The following CCDC57 variants were observed in gnomAD, a reference collection of about 807,000 sequenced individuals.
CCDC57 encodes coiled-coil domain containing 57, also known as coiled-coil domain-containing protein 57.
CCDC57 carries 118 observed loss-of-function variants against 118.9 expected under a neutral mutation model. The ratio of observed to expected loss-of-function variants is 0.99; its 90% confidence interval spans 0.86 to 1.16. CCDC57 has a LOEUF of 1.16. Among genes scored for constraint, CCDC57 ranks in the 50% most tolerant of loss-of-function variants. The pLI, the probability that CCDC57 is intolerant of heterozygous loss-of-function variation, is 0.00. For missense variants in CCDC57, 1,300 were observed against 1,320.7 expected (o/e 0.98, Z 0.24); for synonymous variants, 527 against 532.9 (o/e 0.99, Z 0.15).
rs550220552 is a variant in CCDC57, at chr17:82,149,259, G to T, written c.2455+2301C>A. 7.0e-3 allele frequency among the ~76,000 whole-genome samples: 522 copies of T among 74,214 alleles called. 1 individual carries two copies. The highest frequency in any genetic ancestry group is 0.021 in the African/African-American group (495 of 23,530). The allele number at this position is 74,214 out of a possible 152,430, so 48.7% of individuals were successfully genotyped here. A position where few individuals can be genotyped will look rare whatever the true frequency, so the allele number is the denominator to read the frequency against. On this transcript the variant is annotated intron_variant, in intron 16 of 19. Transcript: ENST00000665763. The stretch of plus-strand genomic sequence containing the variant: ...TGGGTAGATGGATGGATGGATGGAT[G>T]GGGGGGGTGGGTGAATGGATGGATA...
chr17:82,117,693 G>A (rs927706994), intron 19 of CCDC57, among the ~76,000 whole-genome samples: 1 of 147,510 alleles, frequency 6.8e-6, no homozygotes, highest in Non-Finnish European at 1.5e-5. Context: ...AGAAAAAAAA[G>A]GCAAATTAAA....
rs1273504983 is a variant in CCDC57, at chr17:82,148,056, G to A, written c.2455+3504C>T. Among the ~76,000 whole-genome samples the A allele has an allele frequency of 1.5e-4, 19 of 129,830 alleles. 1 individual carries two copies. Among genetic ancestry groups the A allele is most frequent in the African/African-American group, 5.3e-4 (18 of 34,034 alleles). The allele number at this position is 129,830 out of a possible 152,430, so 85.2% of individuals were successfully genotyped here. On this transcript the variant is annotated intron_variant, in intron 16 of 19. Transcript: ENST00000665763. ...ATGGTAGATGGATGGGTGGGTGGGT[G>A]GATGGATGGATGGGTGGGTAGATGG...
chr17:82,134,160 AG>A lies in CCDC57; in HGVS notation c.2489del (p.Pro830LeufsTer73). The A allele has an allele frequency of 1.5e-6, 2 of 1,352,186 alleles. No homozygotes were observed. The highest frequency in any genetic ancestry group is 1.9e-6 in the Non-Finnish European group (2 of 1,046,826). 83.8% of individuals were successfully genotyped at this position (1,352,186 alleles called of 1,614,324 possible). On this transcript the variant is annotated frameshift_variant, in exon 17 of 20. Coordinates refer to ENST00000665763, the Ensembl canonical transcript of CCDC57. LOFTEE classifies it high-confidence loss of function. Reference sequence around the variant, plus strand: ...GCTCCTCGCCTGGCTTCCGGGCCTCAGGGGCAGGAGGGAGGGCGTGGTGCAA... The same window carrying A: ...GCTCCTCGCCTGGCTTCCGGGCCTCAGGGCAGGAGGGAGGGCGTGGTGCAA...
Position 82,113,789 on chromosome 17 carries a change from T to G in CCDC57, c.2900-11923A>C, listed in dbSNP as rs1270863927. 50 of 643,966 alleles carry G rather than the reference T, an allele frequency of 7.8e-5. No homozygotes were observed. The Admixed American group carries it at 1.1e-3, about 14-fold the overall frequency. The allele number at this position is 643,966 out of a possible 1,614,324, so 39.9% of individuals were successfully genotyped here. The stretch of plus-strand genomic sequence containing the variant: ...TTCTACAAAAAAATAAAATAACATG[T>G]AAAAAGATTAGCCAGCTATGGTGAT... On this transcript the variant is annotated intron_variant, in intron 19 of 19. Coordinates refer to ENST00000665763, the Ensembl canonical transcript of CCDC57.
chr17:82,178,865 GC>G (rs1428799696), intron 10 of CCDC57, among the ~76,000 whole-genome samples, 161 bp downstream of exon 9: 1 of 152,240 alleles, frequency 6.6e-6, no homozygotes, highest in Non-Finnish European at 1.5e-5. Context: ...GGGTGGACAG[GC>G]GGGGTGCATT....
chr17:82,133,920 AAC>A (rs1165313091), intron 17 of CCDC57, among the ~76,000 whole-genome samples, 151 bp downstream of exon 16: 3 of 152,162 alleles, frequency 2.0e-5, no homozygotes, highest in African/African-American at 7.2e-5. Context: ...CCCAGCAGAA[AAC>A]ACATTGAAAT....
At chr17:82,105,428 C>A (rs1262510440) in intron 19 of CCDC57, among the ~76,000 whole-genome samples, 1 of 152,170 alleles carries the variant, frequency 6.6e-6, no homozygotes, top group African/African-American at 2.4e-5. Context: ...CAGCACGGCA[C>A]CCAGGCCTTT....
chr17:82,145,009 C>T (rs891430871), intron 16 of CCDC57, among the ~76,000 whole-genome samples: 16 of 140,610 alleles, frequency 1.1e-4, no homozygotes, highest in African/African-American at 3.3e-4. Flanking sequence ...AATTTTATTT[C>T]TTTTCTTTTT....
chr17:82,196,107 T>C (rs920993289), intron 4 of CCDC57, among the ~76,000 whole-genome samples: 4 of 152,310 alleles, frequency 2.6e-5, no homozygotes, highest in African/African-American at 7.2e-5. Flanking sequence ...GGCTGCGCCC[T>C]GCCAACTACA....
At chr17:82,169,913 A>T (rs1422655644) in intron 13 of CCDC57, among the ~76,000 whole-genome samples, 1 of 152,232 alleles carries the variant, frequency 6.6e-6, no homozygotes, top group Non-Finnish European at 1.5e-5. Flanking sequence ...GGCAAGCCAT[A>T]GACTGGGAGA....
intron 8 of CCDC57, among the ~76,000 whole-genome samples, chr17:82,187,362 G>A (rs1331850662): frequency 6.7e-6 from 1 of 148,520 alleles, no homozygotes; most frequent in African/African-American, 2.5e-5. Flanking sequence ...CAGAGAAAAG[G>A]AAAAAATTCT....
intron 19 of CCDC57, among the ~76,000 whole-genome samples, chr17:82,116,064 T>A (rs1462305534): frequency 6.7e-5 from 10 of 148,728 alleles, no homozygotes; most frequent in Non-Finnish European, 1.5e-4. Flanking sequence ...CCCAAAGTGC[T>A]GGGATTACAG....
intron 9 of CCDC57, among the ~76,000 whole-genome samples, chr17:82,183,414 G>C (rs997694964): frequency 6.6e-6 from 1 of 151,930 alleles, no homozygotes; most frequent in African/African-American, 2.4e-5. Flanking sequence ...CCAACTCCTG[G>C]GTTCCAGCAA....
intron 16 of CCDC57, among the ~76,000 whole-genome samples, chr17:82,144,805 A>T (rs551064505): frequency 1.4e-4 from 22 of 152,328 alleles, no homozygotes; most frequent in Non-Finnish European, 2.9e-4. Context: ...CTATTGGGAA[A>T]CAACAAAGCG....
chr17:82,128,003 A>T, intron 18 of CCDC57, 95 bp from the exon 18 acceptor site: 1 of 1,510,972 alleles, frequency 6.6e-7, no homozygotes, highest in East Asian at 2.4e-5. Context: ...CAGTAAGGCG[A>T]CAGTGGGCCT....
At chr17:82,113,549 G>T (rs1477894154) in intron 19 of CCDC57, 2 of 717,486 alleles carry the variant, frequency 2.8e-6, no homozygotes, top group African/African-American at 3.5e-5. Flanking sequence ...GCACACTGAG[G>T]AGCTGCCTCC....
chr17:82,151,993 TC>T, intron 15 of CCDC57: 1 of 554,744 alleles, frequency 1.8e-6, no homozygotes, highest in East Asian at 3.1e-5. Flanking sequence ...CCCACAGATC[TC>T]CCAGGCCAGG....
intron 13 of CCDC57, among the ~76,000 whole-genome samples, chr17:82,164,982 G>A (rs2043801645): frequency 6.6e-6 from 1 of 151,984 alleles, no homozygotes; most frequent in African/African-American, 2.4e-5. Context: ...GAAAATTATG[G>A]GCCAGTCTTA....
At chr17:82,212,823 G>C (rs2050266171), upstream of CCDC57, 1 of 151,076 alleles carries the variant, frequency 6.6e-6, no homozygotes, top group African/African-American at 2.4e-5. The surrounding 1 kb of genome is among the most constrained non-coding windows in gnomAD (Gnocchi z 4.1). Context: ...GTCCCGCCGC[G>C]TTGCCACAGC....
Sources: allele counts gnomAD v4.1 joint callset (sites outside exome capture counted in the v4.1 genomes callset), GRCh38; gene constraint gnomAD v4.1.1; non-coding constraint Gnocchi (gnomAD v3.1); transcripts MANE v1.5; gene names NCBI Gene and HGNC (gene_info 2026-07-23, HGNC 2026-07-21).